The following FBXL7 variants were observed in gnomAD, a reference collection of about 807,000 sequenced individuals.
FBXL7 encodes F-box/LRR-repeat protein 7.
In FBXL7, 12 loss-of-function variants were observed where a neutral mutation model predicts 38.3. The ratio of observed to expected loss-of-function variants is 0.31; its 90% CI spans 0.20 to 0.51. FBXL7 has a LOEUF of 0.51. Among genes scored for constraint, FBXL7 ranks in the 20% least tolerant of loss-of-function variants. The pLI is 0.98. For synonymous variants in FBXL7, 297 were observed against 300.9 expected, an observed-to-expected ratio of 0.99 and a Z score of 0.13; for missense variants, 567 against 676.4, an observed-to-expected ratio of 0.84 and a Z score of 1.79.
rs564439870 is a variant in FBXL7 at position 15,892,556 on chromosome 5, G to T, written c.128-35334G>T. Among the ~76,000 whole-genome samples, 20 of 152,278 alleles carry T rather than the reference G, an allele frequency of 1.3e-4. 1 individual carries two copies. The East Asian group carries it at 3.9e-3, about 29-fold the overall frequency. ...GGTTATGAGCAGGGTTGATGAAATT[G>T]ATTCCACTGTGCTTTGGGTTCGCAG... On this transcript the variant is annotated intron_variant, in intron 2 of 3. Coordinates refer to ENST00000504595, the MANE Select transcript of FBXL7 (RefSeq NM_012304.5).
chr5:15,856,423 G>A (rs1422249656), intron 2 of FBXL7, among the ~76,000 whole-genome samples: 2 of 151,832 alleles, frequency 1.3e-5, no homozygotes, highest in African/African-American at 4.8e-5. Flanking sequence ...AGGTGGGAGA[G>A]GATCAGGAAA....
At chr5:15,919,436 T>C (rs553429534) in intron 2 of FBXL7, among the ~76,000 whole-genome samples, 2 of 152,306 alleles carry the variant, frequency 1.3e-5, no homozygotes, top group South Asian at 4.1e-4. Context: ...TAGGATTTTT[T>C]TTCCCCAGAA....
intron 2 of FBXL7, among the ~76,000 whole-genome samples, chr5:15,843,090 T>C (rs1486279424): frequency 6.6e-6 from 1 of 152,244 alleles, no homozygotes; most frequent in Admixed American, 6.5e-5. Context: ...TGATTCTCTA[T>C]ATAATTTTCA....
At chr5:15,917,578 A>G (rs1741617689) in intron 2 of FBXL7, among the ~76,000 whole-genome samples, 1 of 151,724 alleles carries the variant, frequency 6.6e-6, no homozygotes, top group African/African-American at 2.4e-5. Flanking sequence ...ACTGCACTCC[A>G]GCCTGGGTGA....
intron 2 of FBXL7, among the ~76,000 whole-genome samples, chr5:15,681,972 T>G (rs1229538539): frequency 6.6e-6 from 1 of 152,246 alleles, no homozygotes; most frequent in Non-Finnish European, 1.5e-5. Context: ...AAACACAGCG[T>G]GTCATTCACC....
chr5:15,634,891 A>G (rs1206507537), intron 2 of FBXL7, among the ~76,000 whole-genome samples: 2 of 152,054 alleles, frequency 1.3e-5, no homozygotes, highest in Non-Finnish European at 1.5e-5. Flanking sequence ...TCCTTCTCAT[A>G]AAAAGCCTTG....
intron 1 of FBXL7, among the ~76,000 whole-genome samples, chr5:15,581,938 T>C (rs1242123453): frequency 6.6e-6 from 1 of 152,100 alleles, no homozygotes; most frequent in Non-Finnish European, 1.5e-5. Flanking sequence ...ACATTCCAGA[T>C]AGATGATTTC....
At position 15,675,192 on chromosome 5, in the gene FBXL7, G is replaced by A. The variant is rs142166470; in HGVS notation, c.127+59120G>A. The stretch of plus-strand genomic sequence containing the variant: ...TATCTTCAAAATGTTATGTTTTATC[G>A]TACTCATATATTAATTGAAAGTATT... On this transcript the variant is annotated intron_variant, in intron 2 of 3. Coordinates refer to ENST00000504595, the MANE Select transcript of FBXL7 (RefSeq NM_012304.5). Among the ~76,000 whole-genome samples, 355 of 152,224 alleles carry A rather than the reference G, an allele frequency of 2.3e-3. 2 individuals carry two copies. The highest frequency in any genetic ancestry group is 8.0e-3 in the African/African-American group (332 of 41,540).
intron 2 of FBXL7, among the ~76,000 whole-genome samples, chr5:15,747,944 A>T (rs1232761127): frequency 6.6e-6 from 1 of 152,212 alleles, no homozygotes; most frequent in East Asian, 1.9e-4. Context: ...CTTTTTAATT[A>T]TCCACAAATG....
chr5:15,573,033 C>T (rs13362417), intron 1 of FBXL7, among the ~76,000 whole-genome samples: 2,391 of 152,248 alleles, frequency 0.016, 64 homozygotes, highest in African/African-American at 0.053. Flanking sequence ...TGCCAGATCC[C>T]AAACTCATCA....
chr5:15,841,150 C>G lies in FBXL7; in HGVS notation c.128-86740C>G, dbSNP rs559918740. ...TGCTCTTTTTTTCCCAATTCTTATA[C>G]TATTAACTTCTTTTTTTCTTGTTTT... On this transcript the variant is annotated intron_variant, in intron 2 of 3. Coordinates refer to ENST00000504595, the MANE Select transcript of FBXL7 (RefSeq NM_012304.5). Among the ~76,000 whole-genome samples, 24 of 152,080 alleles carry G rather than the reference C, an allele frequency of 1.6e-4. No homozygotes were observed. The South Asian group carries it at 4.6e-3, about 29-fold the overall frequency.
chr5:15,612,036 A>G (rs1335491485), intron 1 of FBXL7, among the ~76,000 whole-genome samples: 1 of 152,148 alleles, frequency 6.6e-6, no homozygotes, highest in Non-Finnish European at 1.5e-5. Context: ...AATTAATTAA[A>G]TTCTCAGGCA....
intron 1 of FBXL7, among the ~76,000 whole-genome samples, chr5:15,587,637 A>G (rs914480110): frequency 2.6e-5 from 4 of 152,136 alleles, no homozygotes; most frequent in African/African-American, 7.2e-5. Flanking sequence ...CCCCTTTTAT[A>G]GATGAAGAAA....
At chr5:15,657,340 C>T (rs1215818327) in intron 2 of FBXL7, among the ~76,000 whole-genome samples, 4 of 151,992 alleles carry the variant, frequency 2.6e-5, no homozygotes, top group African/African-American at 9.7e-5. Context: ...GCTGTTTGCC[C>T]TACTTGATGT....
At chr5:15,892,435 CAG>C (rs920059605) in intron 2 of FBXL7, among the ~76,000 whole-genome samples, 4 of 152,112 alleles carry the variant, frequency 2.6e-5, no homozygotes, top group Non-Finnish European at 4.4e-5. Context: ...GACAGATCCT[CAG>C]GGGTCTACAA....
chr5:15,643,425 G>C (rs1404479687), intron 2 of FBXL7, among the ~76,000 whole-genome samples: 1 of 152,140 alleles, frequency 6.6e-6, no homozygotes, highest in African/African-American at 2.4e-5. Context: ...ACACACACTG[G>C]GGTTTTCATG....
At chr5:15,772,328 ATG>A (rs1363706175) in intron 2 of FBXL7, among the ~76,000 whole-genome samples, 1 of 152,176 alleles carries the variant, frequency 6.6e-6, no homozygotes, top group African/African-American at 2.4e-5. Flanking sequence ...GGAATACTTG[ATG>A]TGTCAGCAAG....
chr5:15,516,190 C>T (rs1277772679), intron 1 of FBXL7, among the ~76,000 whole-genome samples: 1 of 152,158 alleles, frequency 6.6e-6, no homozygotes, highest in Non-Finnish European at 1.5e-5. Flanking sequence ...AACCAGGAAA[C>T]TCAGTGTTCC....
intron 2 of FBXL7, among the ~76,000 whole-genome samples, chr5:15,899,678 G>C (rs938301097): frequency 2.0e-5 from 3 of 152,024 alleles, no homozygotes; most frequent in Admixed American, 6.5e-5. Context: ...AGTCTCCCCA[G>C]TCAGGAACTA....
Sources: gnomAD v4.1 joint callset for allele counts (sites outside exome capture counted in the v4.1 genomes callset) on GRCh38, gnomAD v4.1.1 for gene constraint, MANE v1.5 for transcripts, NCBI Gene and HGNC (gene_info 2026-07-23, HGNC 2026-07-21) for gene names.